The following RCC2 variants were observed in gnomAD, a reference collection of about 807,000 sequenced individuals.
RCC2 encodes the protein regulator of chromosome condensation 2.
Under a neutral mutation model 64.1 loss-of-function variants are expected in RCC2, and 19 were observed. The ratio of observed to expected loss-of-function variants is 0.30; its 90% confidence interval spans 0.21 to 0.44. RCC2 has a LOEUF of 0.44. Ranked by LOEUF, RCC2 falls within the 20% of genes least tolerant of loss-of-function variation. The pLI, the probability that RCC2 is intolerant of heterozygous loss-of-function variation, is 1.00. For missense variants in RCC2, 508 were observed against 710.4 expected, an observed-to-expected ratio of 0.72 and a Z score of 3.24; for synonymous variants, 325 against 279.6, an observed-to-expected ratio of 1.16 and a Z score of -1.62.
At chr1:17,414,569 C>CAAAAAAAAAAACACAACA (rs139198171) in intron 8 of RCC2, among the ~76,000 whole-genome samples, 1 of 140,414 alleles carries the variant, frequency 7.1e-6, no homozygotes, top group African/African-American at 2.6e-5. Flanking sequence ...AAAAACACAA[C>CAAAAAAAAAAACACAACA]AAAAAAAAAA....
intron 2 of RCC2, 39 bp from the exon 3 acceptor site, chr1:17,429,238 A>G: frequency 2.0e-6 from 3 of 1,503,474 alleles, no homozygotes; most frequent in East Asian, 2.3e-5. Context: ...TTAGTGTGTA[A>G]GTCTGCACCT....
At chr1:17,438,156 C>T (rs1239146532) in intron 2 of RCC2, 74 bp downstream of exon 2, 35 of 1,067,048 alleles carry the variant, frequency 3.3e-5, no homozygotes, top group South Asian at 8.6e-5. Flanking sequence ...CCGGCTGGAA[C>T]GCGCGCCGTG....
intron 2 of RCC2, among the ~76,000 whole-genome samples, chr1:17,436,085 TAGAG>T (rs2075732885): frequency 6.6e-6 from 1 of 152,078 alleles, no homozygotes; most frequent in African/African-American, 2.4e-5. Flanking sequence ...TTTAAGTGGA[TAGAG>T]AAAGGAAGAT....
In RCC2 at chr1:17,430,649, G is replaced by A. The variant is rs561910238; in HGVS notation, c.286-1450C>T. ...AAAAATACAAAAAAATTAGCCAGGC[G>A]TGGTGGCATCCGCCTGTCGTCCCAG... On this transcript the variant is annotated intron_variant, in intron 2 of 12. Transcript: ENST00000375436. 8.6e-4 allele frequency among the ~76,000 whole-genome samples: 131 copies of A among 152,188 alleles called. 1 individual carries two copies. Among genetic ancestry groups the A allele is most frequent in the Non-Finnish European group, 1.2e-3 (83 of 67,992 alleles).
chr1:17,413,053 C>A lies in RCC2; in HGVS notation c.1313+20G>T. ...ATGAAAGGAAGAGACCTCATACCCA[C>A]AGGAGATGCTGCCACCTACCCACAA... On this transcript the variant is annotated intron_variant, in intron 10 of 12. Transcript: ENST00000375436. The A allele has an allele frequency of 6.4e-7, 1 of 1,573,232 alleles. No homozygotes were observed. Among genetic ancestry groups the A allele is most frequent in the South Asian group, 1.1e-5 (1 of 90,134 alleles).
rs1319633834 is a variant in RCC2 at position 17,429,191 on chromosome 1, T to C, written c.294A>G (p.Glu98=). ...AAAGCTGCCCTTTGCACTTTGACCC[T>C]TCAAGTTTCTGCAGAGACAGAGAAA... ...PEHTKERVKL[E]GSKCKGQLLI... is the part of the protein sequence containing the mutation. Residue 98 remains glutamate, a synonymous_variant, in exon 3 of 13, where the codon GAA becomes GAG. Coordinates refer to ENST00000375436, the MANE Select transcript of RCC2 (RefSeq NM_018715.4). The C allele has an allele frequency of 2.5e-6, 4 of 1,613,930 alleles. No homozygotes were observed. The highest frequency in any genetic ancestry group is 3.4e-6 in the Non-Finnish European group (4 of 1,179,802).
At position 17,438,292 on chromosome 1, in the gene RCC2, C is replaced by A; in HGVS notation, c.223G>T (p.Ala75Ser). ...ACGGCCGCGCCGCCCGCCTTGCCTG[C>A]TGTCGCCGGCCGCGCCGCGCGCTTG... ...GGKRAARPAT[A>S]GKAGGAAVVI... The change falls in exon 2 of 13, where the codon GCA becomes TCA. Residue 75 changes from alanine (A) to serine (S), a missense_variant. Physicochemically the swap from Ala to Ser is moderately conservative, Grantham distance 99. Around this residue, in one of 4 missense-constraint regions of RCC2, gnomAD observed 195 missense variants for 158.3 expected, o/e 1.23. Coordinates refer to ENST00000375436, the MANE Select transcript of RCC2 (RefSeq NM_018715.4). 1 of 1,272,762 alleles carries A rather than the reference C, an allele frequency of 7.9e-7. No homozygotes were observed. The allele number at this position is 1,272,762 out of a possible 1,614,324, so 78.8% of individuals were successfully genotyped here.
chr1:17,413,948 T>C (rs2075453870), intron 8 of RCC2, among the ~76,000 whole-genome samples: 1 of 152,108 alleles, frequency 6.6e-6, no homozygotes, highest in African/African-American at 2.4e-5. Flanking sequence ...CTGGCCAACA[T>C]GGTGAAACCC....
At position 17,408,797 on chromosome 1, in the gene RCC2, A is replaced by AAC. The variant is rs2075393654; in HGVS notation, c.*292_*293insGT. 3.0e-6 allele frequency: 1 copy of AAC among 337,424 alleles called. No individual in the cohort carries two copies. The highest frequency in any genetic ancestry group is 2.1e-5 in the African/African-American group (1 of 47,300). The allele number at this position is 337,424 out of a possible 1,614,324, so 20.9% of individuals were successfully genotyped here. On this transcript the variant is annotated 3_prime_UTR_variant, in exon 13 of 13. Coordinates refer to ENST00000375436, the MANE Select transcript of RCC2 (RefSeq NM_018715.4). ...GGAAGAAAGAAAAAACTTAAAAAAAAAAAAAACCTAGATTGCTCAAAGTTT... is the reference window on the plus strand; with the variant it reads ...GGAAGAAAGAAAAAACTTAAAAAAAAACAAAAAACCTAGATTGCTCAAAGTTT...
rs143301102 is a variant in RCC2 at position 17,418,441 on chromosome 1, G to A, written c.860-1795C>T. Among the ~76,000 whole-genome samples the A allele has an allele frequency of 6.4e-3, 976 of 152,168 alleles. 7 individuals are homozygous for A. Among genetic ancestry groups the A allele is most frequent in the African/African-American group, 0.022 (931 of 41,528 alleles). On this transcript the variant is annotated intron_variant, in intron 7 of 12. Transcript: ENST00000375436. ...TGGGAGGCTGAGGTCGGCGGATCAC[G>A]AGGTCAAGAGATTGAGACCATCCTG...
intron 3 of RCC2, among the ~76,000 whole-genome samples, chr1:17,428,428 A>C (rs2075642076): frequency 6.6e-6 from 1 of 152,304 alleles, no homozygotes; most frequent in Non-Finnish European, 1.5e-5. Context: ...CCCCTGTTTT[A>C]AGGTGCCAAG....
At chr1:17,412,954 G>A in intron 10 of RCC2, 119 bp downstream of exon 10, 2 of 718,264 alleles carry the variant, frequency 2.8e-6, no homozygotes, top group Non-Finnish European at 4.8e-6. Context: ...ATGGCCTGCT[G>A]AGGACAGCCC....
At chr1:17,414,259 G>C (rs2075457027) in intron 8 of RCC2, among the ~76,000 whole-genome samples, 1 of 152,162 alleles carries the variant, frequency 6.6e-6, no homozygotes, top group African/African-American at 2.4e-5. Flanking sequence ...GCCAGATGCA[G>C]TGGCTCATGC....
intron 2 of RCC2, among the ~76,000 whole-genome samples, chr1:17,435,176 A>C (rs1326961152): frequency 2.0e-5 from 3 of 152,118 alleles, no homozygotes; most frequent in African/African-American, 7.2e-5. Flanking sequence ...AAAGAATTTG[A>C]ATTTTTTCTT....
intron 5 of RCC2, among the ~76,000 whole-genome samples, chr1:17,422,497 G>A (rs1033236946): frequency 1.3e-5 from 2 of 152,188 alleles, no homozygotes; most frequent in African/African-American, 2.4e-5. Flanking sequence ...AGAGGGCAGC[G>A]TCTCCTACTC....
intron 5 of RCC2, 42 bp from the exon 6 acceptor site, chr1:17,422,333 G>GA: frequency 6.7e-7 from 1 of 1,500,216 alleles, no homozygotes; most frequent in Non-Finnish European, 9.2e-7. Context: ...AGATAATGGT[G>GA]AATGTTTTGA....
intron 4 of RCC2, 92 bp from the exon 5 acceptor site, chr1:17,422,928 T>G: frequency 6.7e-7 from 1 of 1,497,232 alleles, no homozygotes; most frequent in Non-Finnish European, 9.2e-7. Context: ...TCTCAAATGA[T>G]GCCCATCTGT....
At chr1:17,423,168 TC>T (rs1350141864) in intron 4 of RCC2, among the ~76,000 whole-genome samples, 1 of 152,106 alleles carries the variant, frequency 6.6e-6, no homozygotes, top group Non-Finnish European at 1.5e-5. Context: ...AACACGCCGT[TC>T]CCACTTAGAG....
At chr1:17,412,295 G>C in intron 10 of RCC2, 101 bp from the exon 11 acceptor site, 1 of 1,032,438 alleles carries the variant, frequency 9.7e-7, no homozygotes, top group African/African-American at 1.6e-5. Flanking sequence ...CTTTTCCCTT[G>C]GCGTACTCAT....
Sources: gnomAD v4.1 joint callset for allele counts (sites outside exome capture counted in the v4.1 genomes callset) on GRCh38, gnomAD v4.1.1 for gene constraint, gnomAD v4.1.1 regional missense constraint, MANE v1.5 for transcripts, NCBI Gene and HGNC (gene_info 2026-07-23, HGNC 2026-07-21) for gene names.